Variants in C10orf71 observed in about 807,000 individuals in gnomAD.
C10orf71 encodes chromosome 10 open reading frame 71.
For synonymous variants in C10orf71, 758 were observed against 726.3 expected (o/e 1.04, Z -0.70); for missense variants, 1,869 against 1,804.5 (o/e 1.04, Z -0.65).
intron 2 of C10orf71, among the ~76,000 whole-genome samples, chr10:49,319,019 T>G (rs11101086): frequency 6.6e-6 from 1 of 152,128 alleles, no homozygotes. Context: ...GAGCATAGCC[T>G]GCTCAGCTCT....
rs1849265990 is a variant in C10orf71, at chr10:49,326,860, G to A, written c.*7G>A. On this transcript the variant is annotated 3_prime_UTR_variant, in exon 3 of 3. Coordinates refer to ENST00000374144, the MANE Select transcript of C10orf71 (RefSeq NM_001135196.2). ...CACAGAAGGCATTTCTTGAGTTACT[G>A]CAGGCTGTCCCCCACCCCCAGATGA... 2 of 1,517,154 alleles carry A rather than the reference G, an allele frequency of 1.3e-6. No individual in the cohort carries two copies. Among genetic ancestry groups the A allele is most frequent in the African/African-American group, 1.4e-5 (1 of 70,924 alleles). The allele number at this position is 1,517,154 out of a possible 1,614,324, so 94.0% of individuals were successfully genotyped here. A position where few individuals can be genotyped will look rare whatever the true frequency, so the allele number is the denominator to read the frequency against.
intron 1 of C10orf71, among the ~76,000 whole-genome samples, chr10:49,310,560 C>A (rs1848893127): frequency 6.6e-6 from 1 of 152,188 alleles, no homozygotes; most frequent in Non-Finnish European, 1.5e-5. Context: ...TGTTTCTCAA[C>A]CTAGGAGATG....
At chr10:49,320,043 G>A (rs1849068596) in intron 2 of C10orf71, among the ~76,000 whole-genome samples, 1 of 152,104 alleles carries the variant, frequency 6.6e-6, no homozygotes, top group Non-Finnish European at 1.5e-5. Context: ...AGATGAAAGA[G>A]TCCTGGAGAT....
intron 1 of C10orf71, among the ~76,000 whole-genome samples, chr10:49,303,827 A>G (rs554790356): frequency 7.0e-6 from 1 of 142,034 alleles, no homozygotes; most frequent in East Asian, 1.9e-4. Flanking sequence ...AGCTCCTTAC[A>G]TTGCACTGCA....
Position 49,323,514 on chromosome 10 carries a change from T to C in C10orf71, c.969T>C (p.Ser323=). Residue 323 remains serine, a synonymous_variant, in exon 3 of 3, where the codon TCT becomes TCC. Transcript: ENST00000374144. ...REPCPPERTV[S]PCQVQASCSQ... is the part of the protein sequence containing the mutation. ...CCTGTCCTCCTGAGCGCACAGTCTC[T>C]CCCTGCCAGGTCCAGGCCAGCTGCA... The C allele has an allele frequency of 6.2e-7, 1 of 1,612,078 alleles. No homozygotes were observed. Among genetic ancestry groups the C allele is most frequent in the Non-Finnish European group, 8.5e-7 (1 of 1,178,492 alleles).
In C10orf71 at chr10:49,323,477, T is replaced by C. The variant is rs765516989; in HGVS notation, c.932T>C (p.Leu311Ser). ...KAPKHYGDTT[L>S]LREPCPPERT... ...CCCAAGCACTATGGGGACACGACCTTGCTAAGAGAACCCTGTCCTCCTGAG... is the reference window on the plus strand; with the variant it reads ...CCCAAGCACTATGGGGACACGACCTCGCTAAGAGAACCCTGTCCTCCTGAG... Residue 311 changes from leucine (L) to serine (S), a missense_variant, in exon 3 of 3, where the codon TTG (leucine) becomes TCG (serine). By Grantham distance (145) the Leu-to-Ser change is moderately radical. Coordinates refer to ENST00000374144, the MANE Select transcript of C10orf71 (RefSeq NM_001135196.2). The C allele has an allele frequency of 1.2e-6, 2 of 1,613,852 alleles. No homozygotes were observed. The highest frequency in any genetic ancestry group is 1.1e-5 in the South Asian group (1 of 91,086).
Position 49,322,491 on chromosome 10 carries a change from A to AG in C10orf71, c.-55_-54insG. ...GAGGGAAACACCTAACCTTGACAGAATCATCACCAGAGACACCTGCCGGCT... is the reference window on the plus strand; with the variant it reads ...GAGGGAAACACCTAACCTTGACAGAAGTCATCACCAGAGACACCTGCCGGCT... On this transcript the variant is annotated 5_prime_UTR_variant, in exon 3 of 3. Transcript: ENST00000374144. 6.6e-7 allele frequency: 1 copy of AG among 1,511,098 alleles called. No homozygotes were observed. Among genetic ancestry groups the AG allele is most frequent in the South Asian group, 1.3e-5 (1 of 74,724 alleles). 93.6% of individuals were successfully genotyped at this position (1,511,098 alleles called of 1,614,324 possible). A position where few individuals can be genotyped will look rare whatever the true frequency, so the allele number is the denominator to read the frequency against.
chr10:49,317,443 C>G (rs761493009), intron 2 of C10orf71, among the ~76,000 whole-genome samples: 1 of 152,218 alleles, frequency 6.6e-6, no homozygotes, highest in Non-Finnish European at 1.5e-5. Flanking sequence ...AATCGTAACT[C>G]TCATTACCTC....
At chr10:49,301,830 A>T (rs1345608795) in intron 1 of C10orf71, among the ~76,000 whole-genome samples, 1 of 152,198 alleles carries the variant, frequency 6.6e-6, no homozygotes, top group African/African-American at 2.4e-5. Context: ...CCTGTCTTAG[A>T]TGAAGGGGAA....
chr10:49,309,476 C>G (rs988693293), intron 1 of C10orf71, among the ~76,000 whole-genome samples: 1 of 152,204 alleles, frequency 6.6e-6, no homozygotes, highest in South Asian at 2.1e-4. Context: ...CTTGGACTTT[C>G]CAGCCTCCAG....
At chr10:49,309,745 G>A (rs1210364792) in intron 1 of C10orf71, among the ~76,000 whole-genome samples, 1 of 152,198 alleles carries the variant, frequency 6.6e-6, no homozygotes, top group Non-Finnish European at 1.5e-5. Context: ...GCTCCAGGCT[G>A]TGCATAGACA....
rs1213223221 is a variant in C10orf71 at position 49,326,108 on chromosome 10, C to G, written c.3563C>G (p.Ala1188Gly). 1 of 1,551,680 alleles carries G rather than the reference C, an allele frequency of 6.4e-7. No homozygotes were observed. Among genetic ancestry groups the G allele is most frequent in the Admixed American group, 2.0e-5 (1 of 51,008 alleles). The change falls in exon 3 of 3, where the codon GCA (alanine) becomes GGA (glycine). Residue 1188 changes from alanine (A) to glycine (G), a missense_variant. Coordinates refer to ENST00000374144, the MANE Select transcript of C10orf71 (RefSeq NM_001135196.2). ...GCCCTGCGGCGGGCAAAGAAGCTGG[C>G]AAGTAAGAGGAGGAAGACGGATCAG... is the stretch of plus-strand genomic sequence containing the variant. ...EKALRRAKKLASKRRKTDQAQ... is the reference protein window; with the variant it reads ...EKALRRAKKLGSKRRKTDQAQ...
intron 1 of C10orf71, among the ~76,000 whole-genome samples, chr10:49,303,074 T>C (rs1172107553): frequency 6.6e-6 from 1 of 152,170 alleles, no homozygotes; most frequent in African/African-American, 2.4e-5. Context: ...ATTTAGAGAT[T>C]TTTTTCTTCC....
intron 1 of C10orf71, among the ~76,000 whole-genome samples, chr10:49,315,686 T>C (rs933123211): frequency 1.3e-5 from 2 of 152,356 alleles, no homozygotes; most frequent in Admixed American, 6.5e-5. Flanking sequence ...TGCCTATTTT[T>C]GGAACTTTGT....
rs1465683456 is a variant in C10orf71, at chr10:49,322,359, A to C, written c.-144-43A>C. 7 of 612,084 alleles carry C rather than the reference A, an allele frequency of 1.1e-5. No homozygotes were observed. The East Asian group carries it at 1.8e-4, about 15-fold the overall frequency. 37.9% of individuals were successfully genotyped at this position (612,084 alleles called of 1,614,324 possible). ...TGAACCAGCACATATTCTTGTGTAG[A>C]GCTGTATACTTTGTTCACGCCCTGC... On this transcript the variant is annotated intron_variant, in intron 2 of 2. Transcript: ENST00000374144.
At chr10:49,311,400 G>A (rs762745037) in intron 1 of C10orf71, among the ~76,000 whole-genome samples, 7 of 152,212 alleles carry the variant, frequency 4.6e-5, no homozygotes, top group Admixed American at 6.5e-5. Context: ...CAGGAGCCCC[G>A]AGGAAGACAA....
At chr10:49,302,837 G>A (rs919414861) in intron 1 of C10orf71, among the ~76,000 whole-genome samples, 5 of 152,130 alleles carry the variant, frequency 3.3e-5, no homozygotes, top group South Asian at 4.1e-4. Context: ...TCCACACTGC[G>A]CTTGGAAGCC....
At chr10:49,302,945 T>C (rs1000097504) in intron 1 of C10orf71, among the ~76,000 whole-genome samples, 6 of 152,168 alleles carry the variant, frequency 3.9e-5, no homozygotes, top group African/African-American at 7.2e-5. Context: ...TTCTCCTCTG[T>C]AAAATGGGAA....
At chr10:49,317,169 C>T (rs1849012659) in intron 2 of C10orf71, among the ~76,000 whole-genome samples, 1 of 152,178 alleles carries the variant, frequency 6.6e-6, no homozygotes, top group African/African-American at 2.4e-5. Flanking sequence ...ACCATTTTGA[C>T]AGGATCTCAG....
Sources: allele counts gnomAD v4.1 joint callset (sites outside exome capture counted in the v4.1 genomes callset), GRCh38; gene constraint gnomAD v4.1.1; transcripts MANE v1.5; gene names NCBI Gene and HGNC (gene_info 2026-07-23, HGNC 2026-07-21).